The following LARS2 variants were observed in gnomAD, a reference collection of about 807,000 sequenced individuals.
The protein encoded by LARS2 is leucine--tRNA ligase, mitochondrial.
A neutral mutation model predicts 116.6 loss-of-function variants in LARS2; 81 were observed. The observed-to-expected ratio is 0.69, with a 90% confidence interval of 0.58 to 0.84. The LOEUF (loss-of-function observed/expected upper bound fraction) is 0.84. LARS2 is among the 40% of genes least tolerant of loss of function. LARS2 has a pLI of 0.00. For synonymous variants in LARS2, 396 were observed against 407.2 expected (o/e 0.97, Z 0.33); for missense variants, 968 against 1,114.5 (o/e 0.87, Z 1.87).
In LARS2 at chr3:45,520,299, A is replaced by C. The variant is rs748749818; in HGVS notation, c.2292+3A>C. The stretch of plus-strand genomic sequence containing the variant: ...TGGGACTCAGCAATGCCCTCTCGGT[A>C]AGTGGCCTGTCCTCATTTGCTGGTA... On this transcript the variant is annotated splice_donor_region_variant and intron_variant, in intron 19 of 21. Transcript: ENST00000645846. 15 of 1,610,858 alleles carry C rather than the reference A, an allele frequency of 9.3e-6. No individual in the cohort carries two copies. The South Asian group carries it at 1.4e-4, about 15-fold the overall frequency.
chr3:45,474,996 A>T (rs1345524380), intron 9 of LARS2, among the ~76,000 whole-genome samples: 1 of 152,218 alleles, frequency 6.6e-6, no homozygotes, highest in Non-Finnish European at 1.5e-5. Flanking sequence ...CTATTCTAGA[A>T]GGGGTCCCTA....
intron 8 of LARS2, among the ~76,000 whole-genome samples, chr3:45,470,227 A>G (rs1311698855): frequency 2.0e-5 from 3 of 152,218 alleles, no homozygotes; most frequent in African/African-American, 7.2e-5. Flanking sequence ...TGTCTTAGGA[A>G]GTATGGATTT....
Position 45,547,367 on chromosome 3 carries a change from G to T in LARS2, c.2549G>T (p.Cys850Phe), listed in dbSNP as rs753814655. 6.2e-7 allele frequency: 1 copy of T among 1,609,804 alleles called. No individual in the cohort carries two copies. Among genetic ancestry groups the T allele is most frequent in the Non-Finnish European group, 8.5e-7 (1 of 1,178,650 alleles). Reference sequence around the variant, plus strand: ...CCTTCTCAGATCAACAATAAAGCTTGTGGCAAAATTCCTGTGCCCCAACAA... The same window carrying T: ...CCTTCTCAGATCAACAATAAAGCTTTTGGCAAAATTCCTGTGCCCCAACAA... Reference protein sequence around the residue: ...QMAVLINNKACGKIPVPQQVA... With the variant: ...QMAVLINNKAFGKIPVPQQVA... Residue 850 changes from cysteine (C) to phenylalanine (F), a missense_variant, in exon 22 of 22, where the codon TGT (cysteine) becomes TTT (phenylalanine). Coordinates refer to ENST00000645846, the MANE Select transcript of LARS2 (RefSeq NM_015340.4).
At position 45,485,804 on chromosome 3, in the gene LARS2, G is replaced by C. The variant is rs770963717; in HGVS notation, c.1123+8G>C. ...CTCTGGATTCAAAAATAGGTAAGCA[G>C]CTATTAAAATGTAACCACAACGGTA... On this transcript the variant is annotated splice_region_variant and intron_variant, in intron 11 of 21. Coordinates refer to ENST00000645846, the MANE Select transcript of LARS2 (RefSeq NM_015340.4). The C allele has an allele frequency of 6.4e-6, 10 of 1,552,830 alleles. No individual in the cohort carries two copies. Among genetic ancestry groups the C allele is most frequent in the Middle Eastern group, 1.7e-4 (1 of 5,942 alleles).
Position 45,533,565 on chromosome 3 carries a change from G to A in LARS2, c.2405-8264G>A, listed in dbSNP as rs117731702. Among the ~76,000 whole-genome samples the A allele has an allele frequency of 3.9e-5, 6 of 152,134 alleles. No homozygotes were observed. The East Asian group carries it at 5.8e-4, about 15-fold the overall frequency. On this transcript the variant is annotated intron_variant, in intron 20 of 21. Coordinates refer to ENST00000645846, the MANE Select transcript of LARS2 (RefSeq NM_015340.4). ...TCATCGCAGAATATATATTTCGCCC[G>A]TTCATCTTCCTTCTTTGGCCCACTT...
At chr3:45,425,161 A>G (rs891655547) in intron 6 of LARS2, among the ~76,000 whole-genome samples, 1 of 152,064 alleles carries the variant, frequency 6.6e-6, no homozygotes, top group African/African-American at 2.4e-5. Flanking sequence ...AAATTTTTCT[A>G]AATACTAGGA....
At chr3:45,411,532 A>G (rs1698331430) in intron 4 of LARS2, among the ~76,000 whole-genome samples, 1 of 152,326 alleles carries the variant, frequency 6.6e-6, no homozygotes, top group African/African-American at 2.4e-5. Context: ...TCTATATCCT[A>G]TAACTTCATC....
chr3:45,524,650 T>C (rs1299551808), intron 20 of LARS2, among the ~76,000 whole-genome samples: 1 of 152,086 alleles, frequency 6.6e-6, no homozygotes, highest in Non-Finnish European at 1.5e-5. Context: ...AGGCCAAGCA[T>C]ATAGGGAGGG....
At chr3:45,476,065 T>TGC (rs1491273194) in intron 9 of LARS2, among the ~76,000 whole-genome samples, 1 of 9,528 alleles carries the variant, frequency 1.0e-4, no homozygotes, top group East Asian at 0.033. Context: ...AGTAGATGCC[T>TGC]TTTTTTTTTT....
At chr3:45,482,629 A>T (rs1196697940) in intron 10 of LARS2, among the ~76,000 whole-genome samples, 1 of 152,242 alleles carries the variant, frequency 6.6e-6, no homozygotes, top group Non-Finnish European at 1.5e-5. Context: ...TTAAAGTCCA[A>T]GTGATATATG....
At chr3:45,422,571 CTT>C (rs1698532111) in intron 6 of LARS2, among the ~76,000 whole-genome samples, 1 of 152,070 alleles carries the variant, frequency 6.6e-6, no homozygotes, top group Non-Finnish European at 1.5e-5. Context: ...CAAACAATCC[CTT>C]CTCTTTGTTG....
intron 10 of LARS2, among the ~76,000 whole-genome samples, chr3:45,482,303 G>A (rs1431363683): frequency 2.0e-5 from 3 of 152,102 alleles, no homozygotes. Context: ...CTATTATGGA[G>A]ATAACTGCTG....
intron 4 of LARS2, among the ~76,000 whole-genome samples, chr3:45,408,891 T>C (rs1461991602): frequency 1.3e-5 from 2 of 152,234 alleles, no homozygotes; most frequent in Admixed American, 1.3e-4. Context: ...GTTTATTTTG[T>C]GGATTTCCAA....
At chr3:45,540,770 ATC>A (rs1559501816) in intron 20 of LARS2, among the ~76,000 whole-genome samples, 1 of 151,598 alleles carries the variant, frequency 6.6e-6, no homozygotes, top group Non-Finnish European at 1.5e-5. Flanking sequence ...CTATCTATCT[ATC>A]TATCTATCTA....
Position 45,419,631 on chromosome 3 carries a change from C to T in LARS2, c.456-38C>T, listed in dbSNP as rs774175270. 13 of 1,514,286 alleles carry T rather than the reference C, an allele frequency of 8.6e-6. No individual in the cohort carries two copies. The Admixed American group carries it at 2.0e-4, about 23-fold the overall frequency. The allele number at this position is 1,514,286 out of a possible 1,614,324, so 93.8% of individuals were successfully genotyped here. ...TGTAGTTGTGTATGGCTTTAATCCC[C>T]TCTCTAAAAACCAAACCTTTTTCCC... On this transcript the variant is annotated intron_variant, in intron 5 of 21. Coordinates refer to ENST00000645846, the MANE Select transcript of LARS2 (RefSeq NM_015340.4).
intron 4 of LARS2, among the ~76,000 whole-genome samples, chr3:45,415,892 GGGAGAGAGAGA>G (rs1698411316): frequency 7.2e-5 from 5 of 69,748 alleles, no homozygotes; most frequent in African/African-American, 1.5e-4. Context: ...GAGAGAGAGA[GGGAGAGAGAGA>G]GAGAGAGAGA....
intron 21 of LARS2, among the ~76,000 whole-genome samples, chr3:45,544,305 G>A (rs964190140): frequency 1.3e-5 from 2 of 152,228 alleles, no homozygotes; most frequent in Non-Finnish European, 2.9e-5. Context: ...TAAGGGCTCG[G>A]AAGTCAGGCC....
rs142665087 is a variant in LARS2 at position 45,513,188 on chromosome 3, G to A, written c.1814G>A (p.Arg605His). Residue 605 changes from arginine (R) to histidine (H), a missense_variant, in exon 16 of 22, where the codon CGC becomes CAC. Transcript: ENST00000645846. ...GGCCTTATCAAGGGGCAGACATTCC[G>A]CCTACCATCTGGACAGTATCTACAG... ...AQGLIKGQTF[R>H]LPSGQYLQRE... 36 of 1,613,642 alleles carry A rather than the reference G, an allele frequency of 2.2e-5. No homozygotes were observed. The highest frequency in any genetic ancestry group is 3.3e-4 in the Middle Eastern group (2 of 6,084).
chr3:45,507,364 C>G (rs1700215452), intron 15 of LARS2, among the ~76,000 whole-genome samples: 1 of 152,096 alleles, frequency 6.6e-6, no homozygotes, highest in African/African-American at 2.4e-5. Flanking sequence ...TTGGAACAAT[C>G]TTTCTGAAAA....
Sources: gnomAD v4.1 joint callset for allele counts (sites outside exome capture counted in the v4.1 genomes callset) on GRCh38, gnomAD v4.1.1 for gene constraint, MANE v1.5 for transcripts, NCBI Gene and HGNC (gene_info 2026-07-23, HGNC 2026-07-21) for gene names.